The following ACTN4 variants were observed in gnomAD, a reference collection of about 807,000 sequenced individuals.
ACTN4 encodes alpha-actinin-4.
Under a neutral mutation model 114.2 loss-of-function variants are expected in ACTN4, and 18 were observed. The ratio of observed to expected loss-of-function variants is 0.16; its 90% CI spans 0.11 to 0.23. The LOEUF is 0.23. Ranked by LOEUF, ACTN4 falls within the 10% of genes least tolerant of loss-of-function variation. The pLI is 1.00. For missense variants in ACTN4, 722 were observed against 1,262.9 expected (o/e 0.57, Z 6.49); for synonymous variants, 515 against 506.3 (o/e 1.02, Z -0.23).
intron 8 of ACTN4, 70 bp downstream of exon 8, chr19:38,710,412 G>T (rs1225080086): frequency 2.0e-6 from 3 of 1,503,674 alleles, no homozygotes; most frequent in Admixed American, 1.7e-5. Context: ...CTCGCCTCCC[G>T]TGCTCACCTC....
intron 1 of ACTN4, among the ~76,000 whole-genome samples, chr19:38,652,822 G>A (rs1028957349): frequency 1.3e-5 from 2 of 152,030 alleles, no homozygotes; most frequent in Non-Finnish European, 2.9e-5. Context: ...GCAGTGGCTC[G>A]CGCCTGTAAT....
chr19:38,703,087 T>C, intron 3 of ACTN4, among the ~76,000 whole-genome samples: 1 of 152,260 alleles, frequency 6.6e-6, no homozygotes, highest in South Asian at 2.1e-4. Context: ...TAGGCACGGC[T>C]GGCTGATGGA....
In ACTN4 at chr19:38,672,238, C is replaced by CTTT. The variant is rs35567918; in HGVS notation, c.162+24349_162+24351dup. Among the ~76,000 whole-genome samples the CTTT allele has an allele frequency of 2.1e-3, 233 of 113,654 alleles. 2 individuals carry two copies. Among genetic ancestry groups the CTTT allele is most frequent in the Non-Finnish European group, 3.0e-3 (174 of 58,434 alleles). 74.6% of individuals were successfully genotyped at this position (113,654 alleles called of 152,430 possible). A position where few individuals can be genotyped will look rare whatever the true frequency, so the allele number is the denominator to read the frequency against. ...ACAGCAGTATTTCTTACATGTGGTT[C>CTTT]TTTTTTTTTTTTTTTTTTTTGAGAC... On this transcript the variant is annotated intron_variant, in intron 1 of 20. Coordinates refer to ENST00000252699, the MANE Select transcript of ACTN4 (RefSeq NM_004924.6).
At chr19:38,680,523 G>A (rs1599790293) in intron 1 of ACTN4, among the ~76,000 whole-genome samples, 2 of 152,192 alleles carry the variant, frequency 1.3e-5, no homozygotes, top group African/African-American at 4.8e-5. Context: ...GAATGCCCAC[G>A]TGAGCAAATG....
At chr19:38,673,938 C>A (rs1382994341) in intron 1 of ACTN4, among the ~76,000 whole-genome samples, 1 of 150,334 alleles carries the variant, frequency 6.7e-6, no homozygotes, top group Non-Finnish European at 1.5e-5. Context: ...CCTGCCACCA[C>A]GTCCGGCTAA....
chr19:38,691,534 A>T (rs1439055320), intron 1 of ACTN4, among the ~76,000 whole-genome samples: 1 of 152,072 alleles, frequency 6.6e-6, no homozygotes, highest in Non-Finnish European at 1.5e-5. Context: ...GAGTGATGAG[A>T]CAAAACCAGC....
intron 4 of ACTN4, 64 bp downstream of exon 4, chr19:38,705,084 A>G (rs917125753): frequency 7.0e-7 from 1 of 1,423,898 alleles, no homozygotes; most frequent in Non-Finnish European, 9.9e-7. Context: ...GGAGAGCTGA[A>G]GTGTGATCTT....
In ACTN4 at chr19:38,652,945, G is replaced by A. The variant is rs530704503; in HGVS notation, c.162+5038G>A. ...TACCAATAATACAAAAATTAACTGG[G>A]CATGGTGGCAGGTGCCTGTAATCCC... On this transcript the variant is annotated intron_variant, in intron 1 of 20. Coordinates refer to ENST00000252699, the MANE Select transcript of ACTN4 (RefSeq NM_004924.6). 6.2e-4 allele frequency among the ~76,000 whole-genome samples: 95 copies of A among 152,222 alleles called. 1 individual carries two copies. Among genetic ancestry groups the A allele is most frequent in the African/African-American group, 2.1e-3 (89 of 41,530 alleles).
chr19:38,706,709 G>C (rs1207061089), intron 5 of ACTN4, among the ~76,000 whole-genome samples: 4 of 152,214 alleles, frequency 2.6e-5, no homozygotes, highest in African/African-American at 9.7e-5. Context: ...GTGAGCCACT[G>C]CCTGCCTCTG....
intron 1 of ACTN4, among the ~76,000 whole-genome samples, chr19:38,665,527 G>A (rs1016683029): frequency 3.3e-5 from 5 of 152,210 alleles, no homozygotes; most frequent in African/African-American, 1.2e-4. Flanking sequence ...ACGCAGCTCA[G>A]TGGGAAACCA....
At chr19:38,659,065 C>CTTT (rs577141157) in intron 1 of ACTN4, among the ~76,000 whole-genome samples, 10 of 111,690 alleles carry the variant, frequency 9.0e-5, no homozygotes, top group Non-Finnish European at 1.3e-4. Context: ...CTTTTCTTTT[C>CTTT]TTTTTTTTTT....
At chr19:38,649,651 A>G (rs1976499864) in intron 1 of ACTN4, among the ~76,000 whole-genome samples, 1 of 151,386 alleles carries the variant, frequency 6.6e-6, no homozygotes, top group African/African-American at 2.4e-5. Context: ...TTTGGTGGAG[A>G]TTTTTCAGGA....
At chr19:38,712,921 C>T (rs1968707902) in intron 8 of ACTN4, among the ~76,000 whole-genome samples, 1 of 152,110 alleles carries the variant, frequency 6.6e-6, no homozygotes, top group South Asian at 2.1e-4. Flanking sequence ...TGGGTGGGTG[C>T]TGAGGCACTG....
At position 38,727,462 on chromosome 19, in the gene ACTN4, G is replaced by A. The variant is rs970412034; in HGVS notation, c.2337+359G>A. Among the ~76,000 whole-genome samples the A allele has an allele frequency of 4.1e-4, 62 of 152,234 alleles. No individual in the cohort carries two copies. The highest frequency in any genetic ancestry group is 1.4e-3 in the African/African-American group (59 of 41,518). On this transcript the variant is annotated intron_variant, in intron 18 of 20. Coordinates refer to ENST00000252699, the MANE Select transcript of ACTN4 (RefSeq NM_004924.6). This position sits in a 1 kb window ranked among gnomAD's most constrained non-coding sequence, Gnocchi z 5.4. Reference sequence around the variant, plus strand: ...GCTTTTAGAATTCAGATTTGGTCCGGCAGCCTCATCAGAGGGGCCCTGAGC... The same window carrying A: ...GCTTTTAGAATTCAGATTTGGTCCGACAGCCTCATCAGAGGGGCCCTGAGC...
At chr19:38,679,564 T>G (rs1967485901) in intron 1 of ACTN4, among the ~76,000 whole-genome samples, 2 of 128,470 alleles carry the variant, frequency 1.6e-5, no homozygotes, top group African/African-American at 5.7e-5. Flanking sequence ...TAGATTTGGG[T>G]GTGCGTGTGT....
At chr19:38,698,912 A>C (rs1350217671) in intron 1 of ACTN4, among the ~76,000 whole-genome samples, 1 of 152,216 alleles carries the variant, frequency 6.6e-6, no homozygotes, top group East Asian at 1.9e-4. Flanking sequence ...GACAGTTGTC[A>C]AAACACATGG....
Position 38,706,063 on chromosome 19 carries a change from G to T in ACTN4, c.504G>T (p.Gly168=). Residue 168 remains glycine (G), a synonymous_variant, in exon 5 of 21, where the codon GGG becomes GGT. Coordinates refer to ENST00000252699, the MANE Select transcript of ACTN4 (RefSeq NM_004924.6). ...ISVEETSAKE[G]LLLWCQRKTA... is the part of the protein sequence containing the mutation. ...TTGCAGAGACCTCGGCCAAGGAAGGGCTCCTTCTCTGGTGCCAGAGAAAGA... is the reference window on the plus strand; with the variant it reads ...TTGCAGAGACCTCGGCCAAGGAAGGTCTCCTTCTCTGGTGCCAGAGAAAGA... 6.2e-7 allele frequency: 1 copy of T among 1,614,126 alleles called. No individual in the cohort carries two copies. Among genetic ancestry groups the T allele is most frequent in the Admixed American group, 1.7e-5 (1 of 60,028 alleles).
chr19:38,659,566 T>C (rs1976817484), intron 1 of ACTN4, among the ~76,000 whole-genome samples: 1 of 152,144 alleles, frequency 6.6e-6, no homozygotes, highest in Admixed American at 6.6e-5. Context: ...AATATAAGAC[T>C]CACAGCGCAC....
chr19:38,691,343 T>A (rs934773439), intron 1 of ACTN4, among the ~76,000 whole-genome samples: 33 of 146,500 alleles, frequency 2.3e-4, no homozygotes, highest in African/African-American at 6.3e-4. Flanking sequence ...AGAAGTTGCG[T>A]TGAGCTGAGA....
Sources: gnomAD v4.1 joint callset for allele counts (sites outside exome capture counted in the v4.1 genomes callset) on GRCh38, gnomAD v4.1.1 for gene constraint, Gnocchi (gnomAD v3.1) non-coding constraint, MANE v1.5 for transcripts, NCBI Gene and HGNC (gene_info 2026-07-23, HGNC 2026-07-21) for gene names.